Variants in DHRSX observed in about 807,000 individuals in gnomAD.
DHRSX encodes the protein polyprenol dehydrogenase.
Under a neutral mutation model 34.0 loss-of-function variants are expected in DHRSX, and 31 were observed. The observed-to-expected ratio is 0.91, with a 90% confidence interval of 0.69 to 1.23. DHRSX has a LOEUF of 1.23. DHRSX is among the 50% of genes most tolerant of loss of function. The pLI, the probability that DHRSX is intolerant of heterozygous loss-of-function variation, is 0.00. For missense variants in DHRSX, 414 were observed against 428.1 expected (o/e 0.97, Z 0.29); for synonymous variants, 201 against 183.8 (o/e 1.09, Z -0.76).
chrX:2,452,773 TAAGAA>T (rs2044242926), intron 1 of DHRSX, among the ~76,000 whole-genome samples: 4 of 151,914 alleles, frequency 2.6e-5, no homozygotes, highest in Non-Finnish European at 5.9e-5. Context: ...AGACGTTCCC[TAAGAA>T]TGTGGCCAAG....
At chrX:2,299,334 G>A (rs967294635) in intron 3 of DHRSX, among the ~76,000 whole-genome samples, 5 of 152,074 alleles carry the variant, frequency 3.3e-5, no homozygotes, top group Admixed American at 3.3e-4. Context: ...CAGTGAGACA[G>A]TATCATATGA....
At position 2,324,865 on chromosome X, in the gene DHRSX, T is replaced by C. The variant is rs750853952; in HGVS notation, c.287-33262A>G. 2.6e-4 allele frequency among the ~76,000 whole-genome samples: 38 copies of C among 147,804 alleles called. No individual in the cohort carries two copies. The South Asian group carries it at 5.6e-3, about 22-fold the overall frequency. The stretch of plus-strand genomic sequence containing the variant: ...CTCATTGCAACCTCCGCCTCCCGGG[T>C]TCAAGCAATTCGCCTGCCTCAGCCT... On this transcript the variant is annotated intron_variant, in intron 3 of 6. Coordinates refer to ENST00000334651, the MANE Select transcript of DHRSX (RefSeq NM_145177.3).
At chrX:2,408,513 G>T (rs1268945790) in intron 3 of DHRSX, among the ~76,000 whole-genome samples, 1 of 152,126 alleles carries the variant, frequency 6.6e-6, no homozygotes, top group Non-Finnish European at 1.5e-5. Flanking sequence ...CAGCACATCT[G>T]CATGCCTTTC....
chrX:2,229,884 TATATGG>T (rs2015830033), intron 6 of DHRSX, among the ~76,000 whole-genome samples: 1 of 152,338 alleles, frequency 6.6e-6, no homozygotes, highest in South Asian at 2.1e-4. Context: ...TGTCTGTATG[TATATGG>T]ATATGTGTGA....
chrX:2,472,712 T>TCTG (rs1172029521), intron 1 of DHRSX, among the ~76,000 whole-genome samples: 2 of 152,242 alleles, frequency 1.3e-5, no homozygotes, highest in East Asian at 3.9e-4. Flanking sequence ...GAGGTTGCAG[T>TCTG]GAACCCAGAT....
rs756912030 is a variant in DHRSX at position 2,231,462 on chromosome X, T to C, written c.805-10233A>G. Among the ~76,000 whole-genome samples the C allele has an allele frequency of 2.7e-5, 4 of 149,618 alleles. No homozygotes were observed. The East Asian group carries it at 8.0e-4, about 30-fold the overall frequency. On this transcript the variant is annotated intron_variant, in intron 6 of 6. Transcript: ENST00000334651. ...TTTTCTCTCTCTATTCCTCTTTCTCTTCCTCCCCCATCTTATCCTCCTCCT... is the reference window on the plus strand; with the variant it reads ...TTTTCTCTCTCTATTCCTCTTTCTCCTCCTCCCCCATCTTATCCTCCTCCT...
chrX:2,493,513 TGAAG>T (rs1409611155), intron 1 of DHRSX, among the ~76,000 whole-genome samples: 1 of 151,720 alleles, frequency 6.6e-6, no homozygotes, highest in Non-Finnish European at 1.5e-5. Context: ...TTCTGGAACC[TGAAG>T]GAAAGGTTTC....
chrX:2,259,612 A>C (rs1282443946), intron 5 of DHRSX, among the ~76,000 whole-genome samples: 7 of 152,126 alleles, frequency 4.6e-5, no homozygotes, highest in Non-Finnish European at 1.0e-4. Flanking sequence ...ACAGAAATTC[A>C]TCCAGTGAAG....
chrX:2,276,623 A>C (rs973250408), intron 4 of DHRSX, among the ~76,000 whole-genome samples: 6 of 151,986 alleles, frequency 3.9e-5, no homozygotes, highest in African/African-American at 1.5e-4. Flanking sequence ...TTGTGCCTGA[A>C]GCAGTGAACA....
At chrX:2,427,335 T>A (rs2043863167) in intron 1 of DHRSX, among the ~76,000 whole-genome samples, 1 of 152,180 alleles carries the variant, frequency 6.6e-6, no homozygotes, top group Admixed American at 6.5e-5. Flanking sequence ...AGCTTCTCTC[T>A]GGCAGACAGG....
At chrX:2,450,526 T>C (rs2044202125) in intron 1 of DHRSX, among the ~76,000 whole-genome samples, 1 of 152,042 alleles carries the variant, frequency 6.6e-6, no homozygotes. Flanking sequence ...AAGAGCTAAC[T>C]ATAAACAATT....
chrX:2,361,223 G>GC (rs1414557479), intron 3 of DHRSX, among the ~76,000 whole-genome samples: 1 of 152,042 alleles, frequency 6.6e-6, no homozygotes, highest in African/African-American at 2.4e-5. Flanking sequence ...CGATTCTCCT[G>GC]CCTCAGCCTC....
intron 3 of DHRSX, among the ~76,000 whole-genome samples, chrX:2,322,487 T>C (rs2042323795): frequency 6.7e-6 from 1 of 149,980 alleles, no homozygotes; most frequent in African/African-American, 2.5e-5. Context: ...AGGCGTAGGC[T>C]GTACTGAGCA....
At chrX:2,399,275 C>T (rs1043802339) in intron 3 of DHRSX, among the ~76,000 whole-genome samples, 9 of 152,004 alleles carry the variant, frequency 5.9e-5, no homozygotes, top group African/African-American at 2.2e-4. Context: ...CCAACAGGAA[C>T]GCATGAGTCT....
At chrX:2,304,244 A>AATGG (rs1223527133) in intron 3 of DHRSX, among the ~76,000 whole-genome samples, 36 of 32,810 alleles carry the variant, frequency 1.1e-3, no homozygotes, top group African/African-American at 4.7e-3. Flanking sequence ...TGGATGGATA[A>AATGG]ATGGATGGAT....
chrX:2,298,394 T>TAAAA (rs770643932), intron 3 of DHRSX, among the ~76,000 whole-genome samples: 1 of 132,440 alleles, frequency 7.6e-6, no homozygotes, highest in African/African-American at 3.0e-5. Context: ...GGTCTTTTGT[T>TAAAA]AAAAAAAAAA....
rs1414427590 is a variant in DHRSX, at chrX:2,455,178, A to G, written c.110-29874T>C. Among the ~76,000 whole-genome samples the G allele has an allele frequency of 2.6e-5, 4 of 151,628 alleles. No individual in the cohort carries two copies. In the East Asian group the frequency reaches 7.7e-4, roughly 29 times the overall value. On this transcript the variant is annotated intron_variant, in intron 1 of 6. Transcript: ENST00000334651. ...CATGGAGGTGGAGGCCATTATCCTT[A>G]GCAAACTTACACAGCAACAGAAGAC... is the stretch of plus-strand genomic sequence containing the variant.
At chrX:2,473,236 A>G (rs1351781595) in intron 1 of DHRSX, among the ~76,000 whole-genome samples, 1 of 152,216 alleles carries the variant, frequency 6.6e-6, no homozygotes, top group African/African-American at 2.4e-5. Context: ...GAATATTGTA[A>G]CAGGGACAAA....
At chrX:2,340,460 GTA>G (rs745970460) in intron 3 of DHRSX, among the ~76,000 whole-genome samples, 3 of 150,874 alleles carry the variant, frequency 2.0e-5, no homozygotes, top group Non-Finnish European at 3.0e-5. Context: ...GTGTGTGTGT[GTA>G]TATATATATA....
Sources: allele counts gnomAD v4.1 joint callset (sites outside exome capture counted in the v4.1 genomes callset), GRCh38; gene constraint gnomAD v4.1.1; transcripts MANE v1.5; gene names NCBI Gene and HGNC (gene_info 2026-07-23, HGNC 2026-07-21).